The following RAPGEF4 variants were observed in gnomAD, a reference collection of about 807,000 sequenced individuals.
RAPGEF4 encodes Rap guanine nucleotide exchange factor 4.
A neutral mutation model predicts 147.9 loss-of-function variants in RAPGEF4; 66 were observed. That is an observed-to-expected ratio of 0.45 (90% CI 0.37 to 0.55). The LOEUF is 0.55. RAPGEF4 is among the 20% of genes least tolerant of loss of function. RAPGEF4 has a pLI of 0.00. For synonymous variants in RAPGEF4, 419 were observed against 442.7 expected (o/e 0.95, Z 0.67); for missense variants, 1,071 against 1,257.3 (o/e 0.85, Z 2.24).
intron 29 of RAPGEF4, 165 bp downstream of exon 29, chr2:173,036,857 G>T (rs1001498290): frequency 5.8e-6 from 3 of 513,198 alleles, no homozygotes; most frequent in African/African-American, 5.8e-5. Flanking sequence ...ATTCTATTCT[G>T]TCAGTTCTCT....
chr2:172,803,852 C>T (rs1013332503), intron 3 of RAPGEF4, among the ~76,000 whole-genome samples: 4 of 152,104 alleles, frequency 2.6e-5, no homozygotes, highest in Non-Finnish European at 5.9e-5. Flanking sequence ...TTCAAAGTTC[C>T]ACAAATCTCT....
chr2:172,826,159 C>T (rs1257172126), intron 4 of RAPGEF4, among the ~76,000 whole-genome samples: 1 of 152,156 alleles, frequency 6.6e-6, no homozygotes, highest in Non-Finnish European at 1.5e-5. Flanking sequence ...CTTTTGCCTC[C>T]ATGCCATGCC....
At chr2:172,867,504 CTT>C (rs1694782721) in intron 4 of RAPGEF4, among the ~76,000 whole-genome samples, 1 of 152,150 alleles carries the variant, frequency 6.6e-6, no homozygotes, top group African/African-American at 2.4e-5. Context: ...AGAAGAGACT[CTT>C]GACCCTTGAA....
chr2:172,918,338 A>G (rs1684318393), intron 5 of RAPGEF4, among the ~76,000 whole-genome samples: 1 of 134,934 alleles, frequency 7.4e-6, no homozygotes. Context: ...GCCTCTTCCA[A>G]TTCCAGGCCT....
At chr2:172,882,893 C>T (rs960786150) in intron 4 of RAPGEF4, among the ~76,000 whole-genome samples, 1 of 152,082 alleles carries the variant, frequency 6.6e-6, no homozygotes, top group African/African-American at 2.4e-5. Flanking sequence ...GTCCTGGCTA[C>T]TTGAAGCATC....
chr2:172,960,009 T>A (rs12986785), intron 6 of RAPGEF4, among the ~76,000 whole-genome samples: 44,604 of 151,902 alleles, frequency 0.29, 7,527 homozygotes, highest in East Asian at 0.44. Context: ...CTCTTGAGCC[T>A]GGGAGTTCAA....
intron 6 of RAPGEF4, among the ~76,000 whole-genome samples, chr2:172,953,759 C>T (rs922882468): frequency 2.0e-5 from 3 of 152,128 alleles, no homozygotes; most frequent in Non-Finnish European, 2.9e-5. Flanking sequence ...TCCCAGCATT[C>T]GGTGGGGTGG....
At chr2:172,925,856 A>G (rs76975896) in intron 6 of RAPGEF4, among the ~76,000 whole-genome samples, 8,144 of 148,628 alleles carry the variant, frequency 0.055, 308 homozygotes, top group Middle Eastern at 0.08. Context: ...GAAGGGAAGG[A>G]AAGAAAAGAG....
At chr2:172,806,015 CTG>C (rs36226317) in intron 3 of RAPGEF4, among the ~76,000 whole-genome samples, 5,784 of 145,258 alleles carry the variant, frequency 0.04, 217 homozygotes, top group African/African-American at 0.097. Flanking sequence ...TATTATCCGG[CTG>C]TGTGTGTGTG....
intron 17 of RAPGEF4, among the ~76,000 whole-genome samples, chr2:173,012,683 G>C (rs1029236819): frequency 1.3e-5 from 2 of 152,200 alleles, no homozygotes; most frequent in Non-Finnish European, 2.9e-5. Flanking sequence ...GAGAGTAAAT[G>C]GAAGTCTACA....
intron 1 of RAPGEF4, among the ~76,000 whole-genome samples, chr2:172,770,149 G>A (rs1176139771): frequency 6.6e-6 from 1 of 152,210 alleles, no homozygotes; most frequent in East Asian, 1.9e-4. Flanking sequence ...CCTGAGAGCT[G>A]CCACTGGCTG....
intron 4 of RAPGEF4, among the ~76,000 whole-genome samples, chr2:172,833,674 C>T (rs17705739): frequency 0.015 from 2,277 of 152,232 alleles, 19 homozygotes; most frequent in South Asian, 0.033. Context: ...ATTAAAGAAA[C>T]GTGCCCCTTT....
At chr2:172,878,509 T>TA (rs1402560009) in intron 4 of RAPGEF4, among the ~76,000 whole-genome samples, 3 of 152,116 alleles carry the variant, frequency 2.0e-5, no homozygotes, top group African/African-American at 4.8e-5. Flanking sequence ...TTATTCCTGT[T>TA]AAAAAAACAT....
intron 1 of RAPGEF4, among the ~76,000 whole-genome samples, chr2:172,762,751 G>A (rs979710800): frequency 6.6e-6 from 1 of 152,198 alleles, no homozygotes; most frequent in African/African-American, 2.4e-5. Flanking sequence ...TAGGAATCAC[G>A]TGGTGTAACC....
chr2:172,932,007 C>T (rs1686046595), intron 6 of RAPGEF4, among the ~76,000 whole-genome samples: 1 of 144,308 alleles, frequency 6.9e-6, no homozygotes, highest in African/African-American at 2.5e-5. Context: ...CCCATGCGCC[C>T]ACCCCCAGCT....
At chr2:172,932,478 G>C (rs1392325517) in intron 6 of RAPGEF4, among the ~76,000 whole-genome samples, 1 of 152,098 alleles carries the variant, frequency 6.6e-6, no homozygotes, top group Non-Finnish European at 1.5e-5. Context: ...ATAATTTGTT[G>C]CTCACCACTT....
intron 8 of RAPGEF4, among the ~76,000 whole-genome samples, chr2:172,963,429 A>T (rs570035244): frequency 6.6e-6 from 1 of 152,348 alleles, no homozygotes; most frequent in East Asian, 1.9e-4. Context: ...TCAAAATTGT[A>T]TTACTTTTTT....
At chr2:173,007,545 A>G (rs918393857) in intron 17 of RAPGEF4, among the ~76,000 whole-genome samples, 82 of 152,298 alleles carry the variant, frequency 5.4e-4, no homozygotes, top group African/African-American at 1.9e-3. Flanking sequence ...GGTGGCTAAG[A>G]TTTACTGAAT....
chr2:172,805,008 G>A (rs1234073109), intron 3 of RAPGEF4, among the ~76,000 whole-genome samples: 2 of 152,162 alleles, frequency 1.3e-5, no homozygotes. Context: ...GGCTGACTGG[G>A]CCTTACCCCA....
Sources: allele counts gnomAD v4.1 joint callset (sites outside exome capture counted in the v4.1 genomes callset), GRCh38; gene constraint gnomAD v4.1.1; transcripts MANE v1.5; gene names NCBI Gene and HGNC (gene_info 2026-07-23, HGNC 2026-07-21).